The following ATOSA variants were observed in gnomAD, a reference collection of about 807,000 sequenced individuals.
ATOSA encodes the protein atos homolog protein A.
the ATOSA span, among the ~76,000 whole-genome samples, chr15:52,602,785 A>T: frequency 6.6e-6 from 1 of 152,144 alleles, no homozygotes; most frequent in Non-Finnish European, 1.5e-5. Flanking sequence ...GCCTGGCTTT[A>T]TGAAGAATCT....
chr15:52,651,726 T>A, the ATOSA span: 1 of 785,746 alleles, frequency 1.3e-6, no homozygotes, highest in Non-Finnish European at 2.0e-6. Context: ...ATTCTCTAAG[T>A]TCAATGGTTT....
chr15:52,695,043 G>C, the ATOSA span, among the ~76,000 whole-genome samples: 4 of 151,754 alleles, frequency 2.6e-5, no homozygotes, highest in African/African-American at 4.8e-5. Context: ...TCATGCCTCG[G>C]CCTCCCAAGA....
the ATOSA span, among the ~76,000 whole-genome samples, chr15:52,595,318 A>T: frequency 3.3e-5 from 5 of 152,212 alleles, no homozygotes; most frequent in African/African-American, 1.2e-4. Context: ...TTTATCATTT[A>T]AACTTTGTAT....
chr15:52,627,996 T>A, the ATOSA span, among the ~76,000 whole-genome samples: 1 of 152,170 alleles, frequency 6.6e-6, no homozygotes, highest in African/African-American at 2.4e-5. Flanking sequence ...AATTCTCTAA[T>A]CGCTAATTCT....
chr15:52,701,379 C>G, the ATOSA span, among the ~76,000 whole-genome samples: 1 of 152,082 alleles, frequency 6.6e-6, no homozygotes, highest in African/African-American at 2.4e-5. Context: ...TTTGAGGTTG[C>G]AATGAGCCAT....
the ATOSA span, among the ~76,000 whole-genome samples, chr15:52,597,879 C>G: frequency 6.6e-6 from 1 of 152,140 alleles, no homozygotes; most frequent in East Asian, 1.9e-4. Flanking sequence ...AATCCCAGCA[C>G]TTTGGGAGGC....
chr15:52,609,359 T>G, the ATOSA span: 1 of 1,613,974 alleles, frequency 6.2e-7, no homozygotes, highest in Non-Finnish European at 8.5e-7. Flanking sequence ...CTAAACACTT[T>G]AGATGCAACC....
chr15:52,634,827 C>T, the ATOSA span, among the ~76,000 whole-genome samples: 1 of 152,072 alleles, frequency 6.6e-6, no homozygotes, highest in Non-Finnish European at 1.5e-5. Context: ...CTCTCAAATT[C>T]CTGACATCAG....
the ATOSA span, among the ~76,000 whole-genome samples, chr15:52,629,022 C>T: frequency 6.6e-6 from 1 of 152,108 alleles, no homozygotes; most frequent in Admixed American, 6.6e-5. Flanking sequence ...AACATCTTGC[C>T]CTCGCCAATT....
chr15:52,696,988 C>A, the ATOSA span, among the ~76,000 whole-genome samples: 5 of 152,108 alleles, frequency 3.3e-5, no homozygotes, highest in African/African-American at 1.2e-4. Flanking sequence ...CAGACCTGAT[C>A]TTATTACTTC....
At chr15:52,685,511 G>A in the ATOSA span, among the ~76,000 whole-genome samples, 5 of 151,466 alleles carry the variant, frequency 3.3e-5, no homozygotes, top group African/African-American at 1.2e-4. Context: ...TTGGCTTGCT[G>A]CAACCTCTGC....
the ATOSA span, among the ~76,000 whole-genome samples, chr15:52,630,029 G>A: frequency 6.6e-6 from 1 of 152,118 alleles, no homozygotes. Flanking sequence ...GTTGGTGGTG[G>A]TGGGGTACCT....
the ATOSA span, among the ~76,000 whole-genome samples, chr15:52,701,627 G>T: frequency 6.6e-6 from 1 of 152,042 alleles, no homozygotes; most frequent in African/African-American, 2.4e-5. Context: ...ACTAATAGAA[G>T]AAAACAGGCA....
At chr15:52,611,035 G>T in the ATOSA span, 1 of 1,348,282 alleles carries the variant, frequency 7.4e-7, no homozygotes, top group Non-Finnish European at 9.9e-7. Context: ...ATTTAGAATT[G>T]CAGGAAATAA....
chr15:52,636,129 A>AT, the ATOSA span, among the ~76,000 whole-genome samples: 2 of 142,052 alleles, frequency 1.4e-5, no homozygotes, highest in South Asian at 4.5e-4. Flanking sequence ...TTTAATAAAT[A>AT]TATATTAAAA....
At chr15:52,618,296 C>A in the ATOSA span, among the ~76,000 whole-genome samples, 1 of 152,140 alleles carries the variant, frequency 6.6e-6, no homozygotes, top group Non-Finnish European at 1.5e-5. Context: ...GCCTCGGCCT[C>A]CCAAAGGGCT....
At chr15:52,598,342 G>A in the ATOSA span, among the ~76,000 whole-genome samples, 1 of 152,206 alleles carries the variant, frequency 6.6e-6, no homozygotes, top group African/African-American at 2.4e-5. Context: ...AAGAAAAGGT[G>A]ACTATTAGCT....
chr15:52,685,550 C>T, the ATOSA span, among the ~76,000 whole-genome samples: 3 of 152,074 alleles, frequency 2.0e-5, no homozygotes, highest in African/African-American at 7.2e-5. Flanking sequence ...CCTCCTGCTT[C>T]AGCCTCCTGA....
At chr15:52,601,222 G>A in the ATOSA span, 2 of 1,088,182 alleles carry the variant, frequency 1.8e-6, no homozygotes, top group Admixed American at 5.7e-5. Flanking sequence ...TTTTTTTCTT[G>A]AATTGATAAA....
Sources: allele counts gnomAD v4.1 joint callset (sites outside exome capture counted in the v4.1 genomes callset), GRCh38; gene constraint gnomAD v4.1.1; transcripts MANE v1.5; gene names NCBI Gene and HGNC (gene_info 2026-07-23, HGNC 2026-07-21).